The following GRM1 variants were observed in gnomAD, a reference collection of about 807,000 sequenced individuals.
GRM1 encodes glutamate metabotropic receptor 1.
A neutral mutation model predicts 90.9 loss-of-function variants in GRM1; 33 were observed. The observed-to-expected ratio is 0.36, with a 90% CI of 0.28 to 0.49. The LOEUF (loss-of-function observed/expected upper bound fraction) is 0.49. GRM1 is among the 20% of genes least tolerant of loss of function. The pLI is 0.99. For missense variants in GRM1, 1,190 were observed against 1,534.3 expected (o/e 0.78, Z 3.75); for synonymous variants, 700 against 613.2 (o/e 1.14, Z -2.09).
intron 1 of GRM1, among the ~76,000 whole-genome samples, chr6:146,150,410 TA>T (rs1025236108): frequency 1.3e-5 from 2 of 152,168 alleles, no homozygotes; most frequent in South Asian, 2.1e-4. Context: ...ATTACTAATT[TA>T]AAAAAATTAT....
chr6:146,064,659 CTT>C (rs978079687), intron 1 of GRM1, among the ~76,000 whole-genome samples: 1 of 144,272 alleles, frequency 6.9e-6, no homozygotes, highest in Non-Finnish European at 1.5e-5. Flanking sequence ...CAGATTTGTT[CTT>C]TTTTTTTTTC....
intron 7 of GRM1, among the ~76,000 whole-genome samples, chr6:146,404,070 C>G (rs569320208): frequency 5.1e-4 from 77 of 152,188 alleles, no homozygotes; most frequent in Non-Finnish European, 8.4e-4. Context: ...GGCTCACAAA[C>G]AGGATAATCT....
chr6:146,263,284 G>T (rs1205335098), intron 2 of GRM1, among the ~76,000 whole-genome samples: 1 of 151,916 alleles, frequency 6.6e-6, no homozygotes, highest in African/African-American at 2.4e-5. Flanking sequence ...AATTTTTCAT[G>T]ATGTGAGGAA....
At chr6:146,395,595 C>A (rs2114564181) in intron 6 of GRM1, among the ~76,000 whole-genome samples, 1 of 152,174 alleles carries the variant, frequency 6.6e-6, no homozygotes, top group East Asian at 1.9e-4. Context: ...GTAGTATGGA[C>A]AATAAGTATC....
At chr6:146,270,913 C>CTTTCTTTCTTTCT (rs1562571282) in intron 2 of GRM1, among the ~76,000 whole-genome samples, 3 of 71,660 alleles carry the variant, frequency 4.2e-5, no homozygotes, top group African/African-American at 1.9e-4. Context: ...TTCTTTCTTT[C>CTTTCTTTCTTTCT]TTCCTTCCTT....
chr6:146,390,299 T>G (rs1776670595), intron 6 of GRM1, among the ~76,000 whole-genome samples: 1 of 152,022 alleles, frequency 6.6e-6, no homozygotes, highest in African/African-American at 2.4e-5. Context: ...TGGTTTTTTT[T>G]GGCTATGAAG....
chr6:146,354,968 AT>A (rs3216609), intron 4 of GRM1, among the ~76,000 whole-genome samples: 15 of 151,914 alleles, frequency 9.9e-5, no homozygotes, highest in African/African-American at 3.1e-4. Flanking sequence ...AATATTGTGA[AT>A]TTTTTTTGTT....
At chr6:146,040,460 G>A (rs924449981) in intron 1 of GRM1, among the ~76,000 whole-genome samples, 2 of 152,024 alleles carry the variant, frequency 1.3e-5, no homozygotes, top group African/African-American at 4.8e-5. Flanking sequence ...GTCTGGGGGT[G>A]ATGAATTCCC....
At chr6:146,350,555 G>A (rs115041222) in intron 3 of GRM1, among the ~76,000 whole-genome samples, 289 of 152,026 alleles carry the variant, frequency 1.9e-3, no homozygotes, top group African/African-American at 6.7e-3. Context: ...AGCCTATAAG[G>A]GCTTGTTTAA....
rs1165860081 is a variant in GRM1, at chr6:146,436,515, T to C, written c.*1719T>C. On this transcript the variant is annotated 3_prime_UTR_variant, in exon 8 of 8. Coordinates refer to ENST00000282753, the MANE Select transcript of GRM1 (RefSeq NM_001278064.2). ...ATACAGTAACATCTAACTCAGCTAA[T>C]AATTTGTAAAATCTTTATCAATCAC... 1 of 152,212 alleles carries C rather than the reference T, an allele frequency of 6.6e-6. No homozygotes were observed. The highest frequency in any genetic ancestry group is 2.4e-5 in the African/African-American group (1 of 41,452). The allele number at this position is 152,212 out of a possible 1,614,324, so 9.4% of individuals were successfully genotyped here. A position where few individuals can be genotyped will look rare whatever the true frequency, so the allele number is the denominator to read the frequency against.
chr6:146,049,101 G>A (rs904847972), intron 1 of GRM1, among the ~76,000 whole-genome samples: 1 of 151,246 alleles, frequency 6.6e-6, no homozygotes, highest in Non-Finnish European at 1.5e-5. Context: ...TCTTTTTATC[G>A]ACTATTAATT....
chr6:146,113,780 C>G (rs1411171085), intron 1 of GRM1, among the ~76,000 whole-genome samples: 2 of 152,114 alleles, frequency 1.3e-5, no homozygotes, highest in African/African-American at 4.8e-5. Context: ...TGATTCATTT[C>G]TCTCAGAGGT....
chr6:146,224,957 C>T (rs1780189131), intron 2 of GRM1, among the ~76,000 whole-genome samples: 1 of 152,108 alleles, frequency 6.6e-6, no homozygotes, highest in African/African-American at 2.4e-5. Context: ...TCTGTGGAGA[C>T]CTTCTCCCCA....
intron 1 of GRM1, among the ~76,000 whole-genome samples, chr6:146,158,580 C>T (rs984166822): frequency 2.0e-5 from 3 of 152,084 alleles, no homozygotes; most frequent in Non-Finnish European, 4.4e-5. Context: ...AAGTGAAAAT[C>T]CTCAAACTTC....
At chr6:146,287,717 G>C (rs989196428) in intron 2 of GRM1, among the ~76,000 whole-genome samples, 1 of 152,186 alleles carries the variant, frequency 6.6e-6, no homozygotes, top group Non-Finnish European at 1.5e-5. Context: ...GAGTCAGAGA[G>C]GAAAGTGTGG....
intron 2 of GRM1, among the ~76,000 whole-genome samples, chr6:146,160,664 C>A (rs950732978): frequency 6.6e-6 from 1 of 152,136 alleles, no homozygotes; most frequent in Non-Finnish European, 1.5e-5. Context: ...CTCACTGGAC[C>A]TTTCCCTTTT....
chr6:146,278,461 G>C (rs1190157055), intron 2 of GRM1, among the ~76,000 whole-genome samples: 1 of 152,124 alleles, frequency 6.6e-6, no homozygotes, highest in Non-Finnish European at 1.5e-5. Context: ...AGTAGAGAGA[G>C]TAAGCTGCTT....
intron 5 of GRM1, among the ~76,000 whole-genome samples, chr6:146,362,984 G>T (rs1189013636): frequency 6.6e-6 from 1 of 152,062 alleles, no homozygotes; most frequent in Non-Finnish European, 1.5e-5. Flanking sequence ...ATATTTGGCT[G>T]GAATTGGAAC....
rs552986343 is a variant in GRM1 at position 146,314,051 on chromosome 6, C to CTTTTTTTT, written c.1186+9230_1186+9237dup. Among the ~76,000 whole-genome samples the CTTTTTTTT allele has an allele frequency of 1.6e-3, 100 of 62,008 alleles. 22 individuals carry two copies. The highest frequency in any genetic ancestry group is 3.5e-3 in the East Asian group (5 of 1,444). 40.7% of individuals were successfully genotyped at this position (62,008 alleles called of 152,430 possible). On this transcript the variant is annotated intron_variant, in intron 3 of 7. Transcript: ENST00000282753. ...CACTGTATATATCAATAGTTAATTCCTTTTTTTTTTTTTTTTTTTTTTTTT... is the reference window on the plus strand; with the variant it reads ...CACTGTATATATCAATAGTTAATTCCTTTTTTTTTTTTTTTTTTTTTTTTTTTTTTTTT...
Sources: gnomAD v4.1 joint callset for allele counts (sites outside exome capture counted in the v4.1 genomes callset) on GRCh38, gnomAD v4.1.1 for gene constraint, MANE v1.5 for transcripts, NCBI Gene and HGNC (gene_info 2026-07-23, HGNC 2026-07-21) for gene names.